PARP11: variants seen among roughly 807,000 people sequenced by gnomAD.
PARP11 encodes poly(ADP-ribose) polymerase family member 11, also known as protein mono-ADP-ribosyltransferase PARP11.
A neutral mutation model predicts 42.9 loss-of-function variants in PARP11; 31 were observed. The observed-to-expected ratio is 0.72, with a 90% CI of 0.54 to 0.98. The LOEUF (loss-of-function observed/expected upper bound fraction) is 0.98, where lower values mean the gene tolerates loss of function less well. PARP11 is among the 50% of genes least tolerant of loss of function. The pLI, the probability that PARP11 is intolerant of heterozygous loss-of-function variation, is 0.00. For missense variants in PARP11, 365 were observed against 413.1 expected (o/e 0.88, Z 1.01); for synonymous variants, 137 against 127.3 (o/e 1.08, Z -0.51).
chr12:3,812,451 A>G lies in PARP11; in HGVS notation c.701-12T>C. On this transcript the variant is annotated splice_polypyrimidine_tract_variant and intron_variant, in intron 7 of 7. Coordinates refer to ENST00000228820, the MANE Select transcript of PARP11 (RefSeq NM_020367.6). ...AGCAAAATAGGTTCCTTAAACAAAG[A>G]GGACCAAGAAAAGCCAAGATTACTC... 1.9e-6 allele frequency: 3 copies of G among 1,586,308 alleles called. No homozygotes were observed. The highest frequency in any genetic ancestry group is 2.6e-6 in the Non-Finnish European group (3 of 1,167,752).
intron 1 of PARP11, among the ~76,000 whole-genome samples, chr12:3,844,378 G>A (rs1256277748): frequency 6.6e-6 from 1 of 152,164 alleles, no homozygotes. Context: ...TAACACTGGT[G>A]GCTCAGTTAA....
intron 1 of PARP11, chr12:3,839,988 C>A (rs1394823945): frequency 3.9e-6 from 6 of 1,542,526 alleles, no homozygotes; most frequent in Non-Finnish European, 4.5e-6. Flanking sequence ...TGTCAGGCAA[C>A]GAGCAGCTGA....
At chr12:3,838,960 AC>A (rs1362367730) in intron 1 of PARP11, among the ~76,000 whole-genome samples, 2 of 151,454 alleles carry the variant, frequency 1.3e-5, no homozygotes, top group Admixed American at 1.3e-4. Context: ...GGGGGCGGCG[AC>A]CCCCGGCCTG....
chr12:3,873,151 T>C (rs989530220), intron 1 of PARP11, 61 bp downstream of exon 1: 3 of 1,354,122 alleles, frequency 2.2e-6, no homozygotes. Context: ...GGTGACCCCC[T>C]CCCGCCCCTC....
At chr12:3,860,651 A>G (rs891793902) in intron 1 of PARP11, among the ~76,000 whole-genome samples, 31 of 151,924 alleles carry the variant, frequency 2.0e-4, no homozygotes, top group Admixed American at 1.6e-3. Context: ...GCACACCACT[A>G]TATTTTTTAA....
intron 4 of PARP11, among the ~76,000 whole-genome samples, chr12:3,824,048 C>T (rs952857589): frequency 6.6e-6 from 1 of 152,062 alleles, no homozygotes; most frequent in African/African-American, 2.4e-5. Flanking sequence ...ATGATTTTAA[C>T]AGACACCAAC....
In PARP11 at chr12:3,811,734, ATGTC is replaced by A. The variant is rs1182578146; in HGVS notation, c.*385_*388del. 6.0e-6 allele frequency: 1 copy of A among 166,152 alleles called. No individual in the cohort carries two copies. The highest frequency in any genetic ancestry group is 1.3e-5 in the Non-Finnish European group (1 of 78,086). 10.3% of individuals were successfully genotyped at this position (166,152 alleles called of 1,614,324 possible). On this transcript the variant is annotated 3_prime_UTR_variant, in exon 8 of 8. Coordinates refer to ENST00000228820, the MANE Select transcript of PARP11 (RefSeq NM_020367.6). ...TCAATTCCTCTAAAGGGACACATTT[ATGTC>A]TGTATTTTTTTTCAACATTTATACG...
intron 1 of PARP11, among the ~76,000 whole-genome samples, chr12:3,870,813 A>T (rs1403562730): frequency 1.3e-5 from 2 of 152,222 alleles, no homozygotes; most frequent in African/African-American, 4.8e-5. Flanking sequence ...ATTAAGAAGG[A>T]CTGATAACAA....
In PARP11 at chr12:3,826,247, C is replaced by T. The variant is rs376376094; in HGVS notation, c.269-14G>A. The T allele has an allele frequency of 1.4e-4, 226 of 1,561,568 alleles. No homozygotes were observed. The highest frequency in any genetic ancestry group is 1.9e-4 in the Non-Finnish European group (217 of 1,155,426). On this transcript the variant is annotated splice_polypyrimidine_tract_variant and intron_variant, in intron 3 of 7. Transcript: ENST00000228820. ...TTTGCTTCATTTCTGTATACAAAGACAAGATATTAGATAAGTCATAAAAGT... is the reference window on the plus strand; with the variant it reads ...TTTGCTTCATTTCTGTATACAAAGATAAGATATTAGATAAGTCATAAAAGT...
chr12:3,841,293 GA>G, intron 1 of PARP11: 6 of 1,286,782 alleles, frequency 4.7e-6, no homozygotes, highest in Non-Finnish European at 5.7e-6. Context: ...ATCTTGGTGT[GA>G]AGGCATACAG....
At chr12:3,855,888 T>A (rs1041433283) in intron 1 of PARP11, among the ~76,000 whole-genome samples, 2 of 152,164 alleles carry the variant, frequency 1.3e-5, no homozygotes, top group South Asian at 2.1e-4. Context: ...ACTAAAAGGC[T>A]ACAGTAACCA....
chr12:3,813,973 A>G, intron 7 of PARP11, 64 bp downstream of exon 7: 1 of 1,206,690 alleles, frequency 8.3e-7, no homozygotes, highest in South Asian at 1.9e-5. Context: ...TTATATTTAT[A>G]TTCCTCTAAA....
chr12:3,859,027 G>A (rs1052036735), intron 1 of PARP11, among the ~76,000 whole-genome samples: 1 of 150,746 alleles, frequency 6.6e-6, no homozygotes, highest in Admixed American at 6.6e-5. Flanking sequence ...AACCCAGGAG[G>A]TGGGGGGTCA....
intron 1 of PARP11, chr12:3,872,472 G>A: frequency 2.0e-6 from 2 of 977,146 alleles, no homozygotes; most frequent in Non-Finnish European, 2.4e-6. Flanking sequence ...ATGTATAAAA[G>A]CAAAGTAGAC....
At chr12:3,841,627 C>T (rs1222104303) in intron 1 of PARP11, 4 of 1,613,468 alleles carry the variant, frequency 2.5e-6, no homozygotes, top group Non-Finnish European at 2.5e-6. Flanking sequence ...ATCTGAGACC[C>T]CTGGGCAGCT....
At position 3,821,955 on chromosome 12, in the gene PARP11, G is replaced by GATT; in HGVS notation, c.463_465dup (p.Asn155dup). On this transcript the variant is annotated inframe_insertion, in exon 6 of 8. Coordinates refer to ENST00000228820, the MANE Select transcript of PARP11 (RefSeq NM_020367.6). ...TTGCGATCCATCGTCTTCCCAAAGAGATTAGCAACTTCATTATATTCATGT... is the reference window on the plus strand; with the variant it reads ...TTGCGATCCATCGTCTTCCCAAAGAGATTATTAGCAACTTCATTATATTCATGT... 1 of 1,610,234 alleles carries GATT rather than the reference G, an allele frequency of 6.2e-7. No homozygotes were observed. Among genetic ancestry groups the GATT allele is most frequent in the South Asian group, 1.1e-5 (1 of 90,362 alleles).
intron 1 of PARP11, among the ~76,000 whole-genome samples, chr12:3,847,692 A>T (rs1261075150): frequency 6.6e-6 from 1 of 152,230 alleles, no homozygotes; most frequent in Non-Finnish European, 1.5e-5. Flanking sequence ...TAAAGGCCAG[A>T]TGACAAACCC....
chr12:3,836,930 C>T (rs927959917), intron 1 of PARP11, among the ~76,000 whole-genome samples: 3 of 152,186 alleles, frequency 2.0e-5, no homozygotes, highest in African/African-American at 7.2e-5. Flanking sequence ...AGGTGGCCAA[C>T]CAGCTTTCCC....
intron 1 of PARP11, among the ~76,000 whole-genome samples, chr12:3,866,517 T>C (rs1948393389): frequency 6.6e-6 from 1 of 152,202 alleles, no homozygotes; most frequent in Admixed American, 6.5e-5. Context: ...TAATAATTTG[T>C]ACGAAAATCA....
Sources: gnomAD v4.1 joint callset for allele counts (sites outside exome capture counted in the v4.1 genomes callset) on GRCh38, gnomAD v4.1.1 for gene constraint, MANE v1.5 for transcripts, NCBI Gene and HGNC (gene_info 2026-07-23, HGNC 2026-07-21) for gene names.